Variants in RASGRF2 observed in about 807,000 individuals in gnomAD.
RASGRF2 encodes the protein Ras protein specific guanine nucleotide releasing factor 2.
A neutral mutation model predicts 151.0 loss-of-function variants in RASGRF2; 76 were observed. The ratio of observed to expected loss-of-function variants is 0.50; its 90% CI spans 0.42 to 0.61. The LOEUF (loss-of-function observed/expected upper bound fraction) is 0.61. Ranked by LOEUF, RASGRF2 falls within the 20% of genes least tolerant of loss-of-function variation. The pLI is 0.00. For synonymous variants in RASGRF2, 504 were observed against 566.5 expected (o/e 0.89, Z 1.57); for missense variants, 1,148 against 1,564.6 (o/e 0.73, Z 4.49).
chr5:81,095,203 G>A (rs1396653303), intron 12 of RASGRF2, among the ~76,000 whole-genome samples: 6 of 152,150 alleles, frequency 3.9e-5, no homozygotes, highest in Non-Finnish European at 8.8e-5. Context: ...TGCCTGAAAT[G>A]TAGTAATTGG....
At chr5:81,092,135 G>T (rs1752406944) in intron 9 of RASGRF2, among the ~76,000 whole-genome samples, 1 of 152,126 alleles carries the variant, frequency 6.6e-6, no homozygotes, top group African/African-American at 2.4e-5. Context: ...TAAATGGAAG[G>T]TAGTTTTGCT....
chr5:81,031,849 A>T (rs965695158), intron 1 of RASGRF2, among the ~76,000 whole-genome samples: 71 of 152,344 alleles, frequency 4.7e-4, no homozygotes, highest in African/African-American at 1.7e-3. Flanking sequence ...CAAAAAATCA[A>T]TGAATCCAGG....
chr5:81,126,143 T>A (rs1172048775), intron 16 of RASGRF2, among the ~76,000 whole-genome samples: 1 of 152,238 alleles, frequency 6.6e-6, no homozygotes, highest in Non-Finnish European at 1.5e-5. Flanking sequence ...CTGTTTTCAC[T>A]AAAAGCCTGA....
intron 17 of RASGRF2, among the ~76,000 whole-genome samples, chr5:81,133,035 G>A (rs1201847581): frequency 6.6e-6 from 1 of 152,134 alleles, no homozygotes; most frequent in African/African-American, 2.4e-5. Context: ...TTGTATGCTG[G>A]GGAGTGAGGG....
chr5:81,211,696 C>T (rs929002371), intron 22 of RASGRF2, among the ~76,000 whole-genome samples: 3 of 152,114 alleles, frequency 2.0e-5, no homozygotes, highest in Admixed American at 6.5e-5. Context: ...TTTGTTAATA[C>T]GGTAATCTCA....
At chr5:81,167,399 CAA>C (rs1754537902) in intron 17 of RASGRF2, among the ~76,000 whole-genome samples, 1 of 152,192 alleles carries the variant, frequency 6.6e-6, no homozygotes, top group South Asian at 2.1e-4. Context: ...GGGACACAAA[CAA>C]GAGAAACTGC....
At chr5:81,065,900 A>G (rs1195488375) in intron 2 of RASGRF2, among the ~76,000 whole-genome samples, 2 of 152,128 alleles carry the variant, frequency 1.3e-5, no homozygotes, top group African/African-American at 4.8e-5. Context: ...TTTAAACAGA[A>G]AACAATTTTC....
intron 1 of RASGRF2, among the ~76,000 whole-genome samples, chr5:81,022,811 C>T (rs1351059132): frequency 6.6e-6 from 1 of 151,042 alleles, no homozygotes; most frequent in African/African-American, 2.5e-5. Flanking sequence ...TGCTATCAGA[C>T]AGAGCAGCAT....
At chr5:81,172,832 G>T (rs1264685222) in intron 17 of RASGRF2, among the ~76,000 whole-genome samples, 1 of 152,108 alleles carries the variant, frequency 6.6e-6, no homozygotes, top group Non-Finnish European at 1.5e-5. Context: ...GAAGTTTCCA[G>T]AAAGAATGCC....
intron 16 of RASGRF2, among the ~76,000 whole-genome samples, chr5:81,124,693 A>G (rs1339101425): frequency 3.1e-5 from 2 of 65,108 alleles, no homozygotes; most frequent in African/African-American, 9.5e-5. Context: ...CTAATTGGAG[A>G]AAAAAAACTA....
intron 18 of RASGRF2, among the ~76,000 whole-genome samples, chr5:81,181,501 AG>A (rs1159326202): frequency 6.6e-6 from 1 of 152,244 alleles, no homozygotes; most frequent in Non-Finnish European, 1.5e-5. Flanking sequence ...AACCATCCTT[AG>A]TGCATGAGAA....
chr5:81,095,057 G>A (rs1423847961), intron 12 of RASGRF2, 65 bp downstream of exon 12: 34 of 1,207,270 alleles, frequency 2.8e-5, no homozygotes, highest in Admixed American at 6.8e-5. Context: ...TTTGGAGATA[G>A]TTTTTAGAGG....
chr5:81,127,045 T>C, intron 16 of RASGRF2, 29 bp from the exon 17 acceptor site: 1 of 1,604,280 alleles, frequency 6.2e-7, no homozygotes, highest in South Asian at 1.1e-5. Context: ...TGCCTCACCA[T>C]TCCATTTCCT....
chr5:81,109,664 T>TA (rs78921156), intron 13 of RASGRF2, among the ~76,000 whole-genome samples: 3 of 149,820 alleles, frequency 2.0e-5, no homozygotes, highest in Non-Finnish European at 4.5e-5. Flanking sequence ...AGACTCCATT[T>TA]AAAAAAAAAA....
intron 2 of RASGRF2, among the ~76,000 whole-genome samples, chr5:81,055,798 C>G: frequency 6.6e-6 from 1 of 152,166 alleles, no homozygotes; most frequent in Non-Finnish European, 1.5e-5. Flanking sequence ...ATTATTGCCT[C>G]AAATTCAGAG....
At chr5:80,992,776 T>G (rs1561542462) in intron 1 of RASGRF2, among the ~76,000 whole-genome samples, 1 of 151,994 alleles carries the variant, frequency 6.6e-6, no homozygotes. Context: ...CTACAAAGAT[T>G]AAAAAATAAA....
At chr5:81,010,095 A>G (rs1441200844) in intron 1 of RASGRF2, among the ~76,000 whole-genome samples, 2 of 151,824 alleles carry the variant, frequency 1.3e-5, no homozygotes, top group East Asian at 3.9e-4. Context: ...GGTAGGTTGC[A>G]GTGAGCTGAG....
intron 1 of RASGRF2, among the ~76,000 whole-genome samples, chr5:81,012,702 A>G (rs560026211): frequency 1.3e-5 from 2 of 152,128 alleles, no homozygotes; most frequent in African/African-American, 4.8e-5. Context: ...ATTCACCTCC[A>G]TAGCATCCAC....
chr5:81,137,797 C>A (rs1218882406), intron 17 of RASGRF2, among the ~76,000 whole-genome samples: 1 of 152,192 alleles, frequency 6.6e-6, no homozygotes, highest in Non-Finnish European at 1.5e-5. Context: ...TATTTAGCAC[C>A]AATTCTGTGG....
Sources: gnomAD v4.1 joint callset for allele counts (sites outside exome capture counted in the v4.1 genomes callset) on GRCh38, gnomAD v4.1.1 for gene constraint, MANE v1.5 for transcripts, NCBI Gene and HGNC (gene_info 2026-07-23, HGNC 2026-07-21) for gene names.